PIK3C3: variants seen among roughly 807,000 people sequenced by gnomAD.
PIK3C3 encodes PI3-kinase type 3.
In PIK3C3, 95 loss-of-function variants were observed where a neutral mutation model predicts 126.1. That is an observed-to-expected ratio of 0.75 (90% CI 0.64 to 0.89). PIK3C3 has a LOEUF of 0.89. Among genes scored for constraint, PIK3C3 ranks in the 40% least tolerant of loss-of-function variants. PIK3C3 has a pLI of 0.00. For synonymous variants in PIK3C3, 374 were observed against 360.0 expected, an observed-to-expected ratio of 1.04 and a Z score of -0.44; for missense variants, 829 against 1,063.2, an observed-to-expected ratio of 0.78 and a Z score of 3.06.
At chr18:42,027,746 C>T (rs769717420) in intron 14 of PIK3C3, among the ~76,000 whole-genome samples, 198 bp downstream of exon 14, 1 of 152,180 alleles carries the variant, frequency 6.6e-6, no homozygotes. Flanking sequence ...CCTCTGCCTC[C>T]TGGGTTCAAG....
At chr18:41,965,134 GA>G (rs1274869990) in intron 3 of PIK3C3, among the ~76,000 whole-genome samples, 1 of 152,070 alleles carries the variant, frequency 6.6e-6, no homozygotes, top group Non-Finnish European at 1.5e-5. Flanking sequence ...CAACAGAGAA[GA>G]AAAAGAAAAA....
At chr18:42,014,501 A>G (rs1320072203) in intron 11 of PIK3C3, among the ~76,000 whole-genome samples, 1 of 152,192 alleles carries the variant, frequency 6.6e-6, no homozygotes, top group East Asian at 1.9e-4. Context: ...ATGGACTTCA[A>G]GTAAATTGCC....
At chr18:41,960,159 C>T (rs1358272283) in intron 2 of PIK3C3, among the ~76,000 whole-genome samples, 1 of 152,018 alleles carries the variant, frequency 6.6e-6, no homozygotes, top group Non-Finnish European at 1.5e-5. Flanking sequence ...GGAACTCATC[C>T]GAAATTTATT....
At chr18:42,056,071 T>G (rs1373090064) in intron 21 of PIK3C3, among the ~76,000 whole-genome samples, 1 of 152,098 alleles carries the variant, frequency 6.6e-6, no homozygotes, top group African/African-American at 2.4e-5. Context: ...CTCTCTGAAC[T>G]TCTTAAACAT....
At chr18:41,984,514 C>T (rs535414723) in intron 4 of PIK3C3, among the ~76,000 whole-genome samples, 53 of 152,124 alleles carry the variant, frequency 3.5e-4, no homozygotes, top group Admixed American at 2.3e-3. Flanking sequence ...TAAAGGTAAA[C>T]GGCTTTATGG....
chr18:42,017,363 A>G (rs556231137), intron 12 of PIK3C3, among the ~76,000 whole-genome samples: 3 of 152,124 alleles, frequency 2.0e-5, no homozygotes, highest in Admixed American at 6.6e-5. Flanking sequence ...CAGAAACTCA[A>G]TTATTCCCCA....
At chr18:42,080,027 G>A (rs1598966845) in intron 24 of PIK3C3, among the ~76,000 whole-genome samples, 1 of 147,428 alleles carries the variant, frequency 6.8e-6, no homozygotes. Flanking sequence ...GTGTGTGTGT[G>A]TATGATTCTG....
intron 15 of PIK3C3, 152 bp from the exon 16 acceptor site, chr18:42,033,674 T>G (rs1331712025): frequency 2.1e-6 from 1 of 484,032 alleles, no homozygotes; most frequent in Non-Finnish European, 3.6e-6. Context: ...TTATAAGTGC[T>G]TGTCTCTCAC....
chr18:42,035,372 G>T (rs191050713), intron 16 of PIK3C3, among the ~76,000 whole-genome samples: 1 of 152,210 alleles, frequency 6.6e-6, no homozygotes, highest in Non-Finnish European at 1.5e-5. Flanking sequence ...GTGCAAAAGA[G>T]TATCTAAGAC....
chr18:42,005,121 T>C (rs1478618613), intron 10 of PIK3C3, among the ~76,000 whole-genome samples: 1 of 152,206 alleles, frequency 6.6e-6, no homozygotes, highest in Non-Finnish European at 1.5e-5. Context: ...TATTTATCAG[T>C]TAATGACAGG....
At chr18:42,080,156 G>A (rs1017851994) in intron 24 of PIK3C3, among the ~76,000 whole-genome samples, 1 of 152,080 alleles carries the variant, frequency 6.6e-6, no homozygotes. Context: ...TATGAGTGCC[G>A]AGTACCATTT....
At chr18:42,080,360 A>G (rs1266468977) in intron 24 of PIK3C3, among the ~76,000 whole-genome samples, 1 of 152,204 alleles carries the variant, frequency 6.6e-6, no homozygotes, top group African/African-American at 2.4e-5. Context: ...ACATGTACAC[A>G]TGCATGTGCA....
chr18:42,000,028 A>AT (rs1373198890), intron 9 of PIK3C3, among the ~76,000 whole-genome samples: 2 of 152,192 alleles, frequency 1.3e-5, no homozygotes, highest in African/African-American at 4.8e-5. Flanking sequence ...AAGCAGGAAA[A>AT]TGTGTGTTAA....
intron 23 of PIK3C3, among the ~76,000 whole-genome samples, chr18:42,066,677 C>A (rs1985553411): frequency 6.6e-6 from 1 of 152,164 alleles, no homozygotes; most frequent in East Asian, 1.9e-4. Context: ...CAAAGTAGTT[C>A]TTCAGTAACA....
At chr18:42,024,585 G>A (rs1466967673) in intron 13 of PIK3C3, among the ~76,000 whole-genome samples, 1 of 151,780 alleles carries the variant, frequency 6.6e-6, no homozygotes, top group Non-Finnish European at 1.5e-5. Context: ...ACAGGCATGT[G>A]CCACCAAGCC....
intron 13 of PIK3C3, among the ~76,000 whole-genome samples, chr18:42,023,444 A>G (rs1321012695): frequency 6.6e-6 from 1 of 152,216 alleles, no homozygotes; most frequent in African/African-American, 2.4e-5. Flanking sequence ...GTACAGCCCC[A>G]GTTCCCAGTC....
intron 3 of PIK3C3, among the ~76,000 whole-genome samples, chr18:41,967,497 G>C (rs182127247): frequency 1.4e-4 from 22 of 152,250 alleles, no homozygotes; most frequent in African/African-American, 5.1e-4. Context: ...TGTTAAAAGT[G>C]ATCCTCAAGA....
At chr18:42,015,695 T>C in intron 12 of PIK3C3, 129 bp downstream of exon 12, 1 of 668,638 alleles carries the variant, frequency 1.5e-6, no homozygotes, top group East Asian at 2.7e-5. Context: ...ACTTACTTTA[T>C]GATGCACGTT....
chr18:41,970,365 C>G lies in PIK3C3; in HGVS notation c.440C>G (p.Pro147Arg), dbSNP rs1224955042. 6.2e-7 allele frequency: 1 copy of G among 1,613,180 alleles called. No individual in the cohort carries two copies. Among genetic ancestry groups the G allele is most frequent in the African/African-American group, 1.3e-5 (1 of 74,952 alleles). Residue 147 changes from proline to arginine, a missense_variant, in exon 4 of 25, where the codon CCT becomes CGT. This residue lies in a region of PIK3C3 where 313 missense variants were observed against 340.7 expected (regional missense o/e 0.92). Transcript: ENST00000262039. The stretch of plus-strand genomic sequence containing the variant: ...GGGATGCATGACTTGAAAGTCTGGC[C>G]TAATGTAGAAGCAGATGGATCAGAA... ...RQGMHDLKVW[P>R]NVEADGSEPT...
Sources: allele counts gnomAD v4.1 joint callset (sites outside exome capture counted in the v4.1 genomes callset), GRCh38; gene constraint gnomAD v4.1.1; regional missense constraint gnomAD v4.1.1; transcripts MANE v1.5; gene names NCBI Gene and HGNC (gene_info 2026-07-23, HGNC 2026-07-21).